Variants in CDH18 observed in about 807,000 individuals in gnomAD.
CDH18 encodes the protein cadherin-18.
A neutral mutation model predicts 67.9 loss-of-function variants in CDH18; 31 were observed. The ratio of observed to expected loss-of-function variants is 0.46; its 90% CI spans 0.34 to 0.62. The LOEUF (loss-of-function observed/expected upper bound fraction) is 0.62, where lower values mean the gene tolerates loss of function less well. Ranked by LOEUF, CDH18 falls within the 20% of genes least tolerant of loss-of-function variation. The pLI is 0.01. For missense variants in CDH18, 890 were observed against 975.5 expected (o/e 0.91, Z 1.17); for synonymous variants, 362 against 347.2 (o/e 1.04, Z -0.48).
rs1741447100 is a variant in CDH18 at position 19,571,777 on chromosome 5, G to A, written c.1055C>T (p.Thr352Ile). 6.2e-7 allele frequency: 1 copy of A among 1,613,382 alleles called. No individual in the cohort carries two copies. The highest frequency in any genetic ancestry group is 8.5e-7 in the Non-Finnish European group (1 of 1,179,472). Residue 352 changes from threonine (T) to isoleucine (I), a missense_variant, in exon 8 of 13, where the codon ACA becomes ATA. Physicochemically the swap from Thr to Ile is moderately conservative, Grantham distance 89 (BLOSUM62 -1). Around this residue, in one of 2 missense-constraint regions of CDH18, gnomAD observed 656 missense variants for 668.1 expected, o/e 0.98. Transcript: ENST00000382275. ...GTGAGAAAAGCGAAAATCAAGATGT[G>A]TATTTGCTCCTTCTATGTTGAGGGT... The part of the protein sequence containing the change: ...SYTLNIEGAN[T>I]HLDFRFSHLG...
chr5:20,415,503 G>A (rs1318614142), intron 1 of CDH18, among the ~76,000 whole-genome samples: 1 of 152,164 alleles, frequency 6.6e-6, no homozygotes, highest in Non-Finnish European at 1.5e-5. Flanking sequence ...ACTGGTTGCG[G>A]TGGCTCATGC....
chr5:20,100,554 G>T (rs1172059185), intron 2 of CDH18, among the ~76,000 whole-genome samples: 1 of 152,148 alleles, frequency 6.6e-6, no homozygotes, highest in African/African-American at 2.4e-5. Flanking sequence ...TCAACATTGT[G>T]TACATTGATT....
At chr5:19,967,443 C>A (rs1797568857) in intron 2 of CDH18, among the ~76,000 whole-genome samples, 2 of 152,018 alleles carry the variant, frequency 1.3e-5, no homozygotes, top group South Asian at 4.1e-4. Flanking sequence ...GTTCTAGAAT[C>A]ATAAAATTTT....
At chr5:20,406,425 GCC>G (rs1746260352) in intron 1 of CDH18, among the ~76,000 whole-genome samples, 2 of 151,416 alleles carry the variant, frequency 1.3e-5, no homozygotes, top group African/African-American at 4.9e-5. Flanking sequence ...ACACCCCGGG[GCC>G]TGTTGTGGGG....
At chr5:20,445,756 G>A (rs2150198173) in intron 1 of CDH18, among the ~76,000 whole-genome samples, 1 of 152,264 alleles carries the variant, frequency 6.6e-6, no homozygotes, top group Non-Finnish European at 1.5e-5. Context: ...ATTATTTAAT[G>A]GAGATTAACA....
chr5:19,500,936 A>G (rs148451922), intron 11 of CDH18, among the ~76,000 whole-genome samples: 2,761 of 150,612 alleles, frequency 0.018, 72 homozygotes, highest in African/African-American at 0.063. Flanking sequence ...TTTGAGACCA[A>G]CCTGGCCAAC....
chr5:19,934,262 A>C (rs1410658170), intron 2 of CDH18, among the ~76,000 whole-genome samples: 1 of 151,506 alleles, frequency 6.6e-6, no homozygotes, highest in East Asian at 1.9e-4. Flanking sequence ...AGATGTGAGA[A>C]GGACTTAATG....
chr5:19,956,141 T>C (rs930996046), intron 2 of CDH18, among the ~76,000 whole-genome samples: 2 of 152,028 alleles, frequency 1.3e-5, no homozygotes, highest in African/African-American at 4.8e-5. Context: ...TAAGCTAAGT[T>C]TTATTCAAAT....
chr5:20,388,058 G>A (rs1173897120), intron 1 of CDH18, among the ~76,000 whole-genome samples: 2 of 149,144 alleles, frequency 1.3e-5, no homozygotes, highest in African/African-American at 5.0e-5. Flanking sequence ...CCAGGCTTTG[G>A]TATCAGGATG....
At chr5:20,202,391 C>G (rs1739518428) in intron 2 of CDH18, among the ~76,000 whole-genome samples, 1 of 152,106 alleles carries the variant, frequency 6.6e-6, no homozygotes, top group South Asian at 2.1e-4. Flanking sequence ...GCTTATTAAT[C>G]AAAGAATGAA....
chr5:20,480,723 T>TG (rs1752745076), intron 1 of CDH18, among the ~76,000 whole-genome samples: 2 of 152,180 alleles, frequency 1.3e-5, no homozygotes, highest in Non-Finnish European at 2.9e-5. Flanking sequence ...TTTTTATTAG[T>TG]TTTTGCTCGC....
intron 3 of CDH18, among the ~76,000 whole-genome samples, chr5:19,805,047 A>T (rs2149867615): frequency 6.6e-6 from 1 of 151,938 alleles, no homozygotes; most frequent in Middle Eastern, 3.4e-3. Flanking sequence ...ACAAGGTTCA[A>T]ATGATCCTCC....
intron 5 of CDH18, among the ~76,000 whole-genome samples, chr5:19,625,612 C>T (rs1031948185): frequency 1.3e-5 from 2 of 152,154 alleles, no homozygotes; most frequent in African/African-American, 2.4e-5. Context: ...TTCCTACTCA[C>T]GTGGACTTTT....
chr5:19,614,689 G>A (rs1424844158), intron 5 of CDH18, among the ~76,000 whole-genome samples: 3 of 152,084 alleles, frequency 2.0e-5, no homozygotes, highest in Admixed American at 6.6e-5. Context: ...AAATAGATAT[G>A]TAAAGGTAAA....
At chr5:19,884,315 A>C (rs907366171) in intron 2 of CDH18, among the ~76,000 whole-genome samples, 1 of 152,158 alleles carries the variant, frequency 6.6e-6, no homozygotes, top group Non-Finnish European at 1.5e-5. Flanking sequence ...GGTAAACTTA[A>C]GACCTATTAA....
intron 5 of CDH18, among the ~76,000 whole-genome samples, chr5:19,697,040 A>G (rs1220336746): frequency 6.6e-6 from 1 of 152,216 alleles, no homozygotes; most frequent in Non-Finnish European, 1.5e-5. Flanking sequence ...AATGAATGAA[A>G]CAGTTGAAAT....
intron 2 of CDH18, among the ~76,000 whole-genome samples, chr5:19,880,155 CTCTTT>C (rs1371560106): frequency 6.6e-6 from 1 of 151,886 alleles, no homozygotes; most frequent in African/African-American, 2.4e-5. Context: ...GTACTTCTAT[CTCTTT>C]TCTTTTCTAC....
chr5:19,723,949 G>T (rs1766460717), intron 4 of CDH18, among the ~76,000 whole-genome samples: 1 of 152,040 alleles, frequency 6.6e-6, no homozygotes, highest in African/African-American at 2.4e-5. Context: ...GACCTCAGGT[G>T]ATTTGCCCGC....
chr5:20,571,011 G>T (rs761215317), intron 1 of CDH18, among the ~76,000 whole-genome samples: 17 of 152,094 alleles, frequency 1.1e-4, no homozygotes, highest in Non-Finnish European at 1.6e-4. Flanking sequence ...AAGTCCATTA[G>T]AGTAAACCCA....
Sources: gnomAD v4.1 joint callset for allele counts (sites outside exome capture counted in the v4.1 genomes callset) on GRCh38, gnomAD v4.1.1 for gene constraint, gnomAD v4.1.1 regional missense constraint, MANE v1.5 for transcripts, NCBI Gene and HGNC (gene_info 2026-07-23, HGNC 2026-07-21) for gene names.